The following CPEB3 variants were observed in gnomAD, a reference collection of about 807,000 sequenced individuals.
CPEB3 encodes cytoplasmic polyadenylation element-binding protein 3.
Under a neutral mutation model 67.2 loss-of-function variants are expected in CPEB3, and 20 were observed. The observed-to-expected ratio is 0.30, with a 90% CI of 0.21 to 0.43. The LOEUF is 0.43. Ranked by LOEUF, CPEB3 falls within the 20% of genes least tolerant of loss-of-function variation. The pLI is 1.00. For missense variants in CPEB3, 746 were observed against 968.6 expected (o/e 0.77, Z 3.05); for synonymous variants, 376 against 393.1 (o/e 0.96, Z 0.51).
chr10:92,120,578 T>G (rs1845313506), intron 6 of CPEB3, among the ~76,000 whole-genome samples: 1 of 151,656 alleles, frequency 6.6e-6, no homozygotes, highest in South Asian at 2.1e-4. Flanking sequence ...AGCGAGACTG[T>G]CTCAAAAAAA....
chr10:92,113,718 T>C (rs576399150), intron 6 of CPEB3, among the ~76,000 whole-genome samples: 22 of 152,296 alleles, frequency 1.4e-4, no homozygotes, highest in South Asian at 1.2e-3. Flanking sequence ...AAATCCAGTT[T>C]TGCATTGACC....
intron 1 of CPEB3, among the ~76,000 whole-genome samples, chr10:92,245,817 A>C (rs1322004780): frequency 1.3e-5 from 2 of 151,976 alleles, no homozygotes; most frequent in African/African-American, 4.8e-5. Context: ...CGGCTGGATC[A>C]CCTGAGTTCA....
At chr10:92,179,384 A>G (rs1456718436) in intron 4 of CPEB3, among the ~76,000 whole-genome samples, 1 of 152,222 alleles carries the variant, frequency 6.6e-6, no homozygotes, top group Non-Finnish European at 1.5e-5. Flanking sequence ...CTCTTGCAGA[A>G]GAGGATTCAC....
At chr10:92,181,112 G>T in intron 3 of CPEB3, 93 bp from the exon 4 acceptor site, 1 of 695,484 alleles carries the variant, frequency 1.4e-6, no homozygotes, top group Admixed American at 2.5e-5. Flanking sequence ...ATCTAAAACA[G>T]ATTAATCTAT....
chr10:92,091,069 C>T (rs1342343181), intron 8 of CPEB3, among the ~76,000 whole-genome samples: 2 of 152,134 alleles, frequency 1.3e-5, no homozygotes, highest in Non-Finnish European at 2.9e-5. Context: ...AGCTAAATAA[C>T]GTTAGGTTAC....
At chr10:92,275,845 CTTTTTTT>C (rs909549413) in intron 1 of CPEB3, among the ~76,000 whole-genome samples, 2 of 92,978 alleles carry the variant, frequency 2.2e-5, no homozygotes, top group African/African-American at 3.7e-5. Context: ...TCATTCTTTT[CTTTTTTT>C]TTTTTTTTTT....
intron 4 of CPEB3, among the ~76,000 whole-genome samples, chr10:92,164,453 G>A (rs1479880129): frequency 6.6e-6 from 1 of 152,072 alleles, no homozygotes; most frequent in Non-Finnish European, 1.5e-5. Context: ...GTGTGCTTTT[G>A]CAGTTGATCC....
intron 6 of CPEB3, among the ~76,000 whole-genome samples, chr10:92,120,257 A>AAAAC (rs35341612): frequency 0.074 from 10,737 of 144,778 alleles, 591 homozygotes; most frequent in East Asian, 0.17. Flanking sequence ...TAAAAATACA[A>AAAAC]AAACAAACAA....
rs569320212 is a variant in CPEB3 at position 92,245,712 on chromosome 10, C to G, written c.-11-5351G>C. Among the ~76,000 whole-genome samples, 3 of 152,186 alleles carry G rather than the reference C, an allele frequency of 2.0e-5. No individual in the cohort carries two copies. The South Asian group carries it at 6.2e-4, about 32-fold the overall frequency. ...ATTCCTGAAGACTTTGCTAACCTACCAAACTTTTGCCACATTTTCAAGTAT... is the reference window on the plus strand; with the variant it reads ...ATTCCTGAAGACTTTGCTAACCTACGAAACTTTTGCCACATTTTCAAGTAT... On this transcript the variant is annotated intron_variant, in intron 1 of 9. Transcript: ENST00000265997.
rs537863723 is a variant in CPEB3 at position 92,223,306 on chromosome 10, G to A, written c.1005+16040C>T. Among the ~76,000 whole-genome samples the A allele has an allele frequency of 2.0e-5, 3 of 152,286 alleles. No homozygotes were observed. The South Asian group carries it at 6.2e-4, about 32-fold the overall frequency. On this transcript the variant is annotated intron_variant, in intron 2 of 9. Transcript: ENST00000265997. ...CACATTAGGAATCACACAAAAGCAT[G>A]GGTGGGTAAGAAATGTCAAATCACT... is the stretch of plus-strand genomic sequence containing the variant.
chr10:92,198,951 T>G (rs1013701676), intron 2 of CPEB3, among the ~76,000 whole-genome samples: 3 of 152,200 alleles, frequency 2.0e-5, no homozygotes, highest in Non-Finnish European at 4.4e-5. Flanking sequence ...GGTAGATGTC[T>G]GAAAGAGCTA....
intron 8 of CPEB3, among the ~76,000 whole-genome samples, chr10:92,086,313 G>A (rs902376084): frequency 4.6e-5 from 7 of 152,204 alleles, no homozygotes. Context: ...GTTGGTTCAA[G>A]GGCAATTCAC....
chr10:92,168,559 G>C (rs1847852834), intron 4 of CPEB3, among the ~76,000 whole-genome samples: 1 of 152,046 alleles, frequency 6.6e-6, no homozygotes, highest in Admixed American at 6.6e-5. Flanking sequence ...AACCCGGTGG[G>C]AGGTAATTGA....
chr10:92,166,700 ATAATTCT>A (rs1230209984), intron 4 of CPEB3, among the ~76,000 whole-genome samples: 1 of 152,246 alleles, frequency 6.6e-6, no homozygotes, highest in Non-Finnish European at 1.5e-5. Flanking sequence ...TAGATTTAGT[ATAATTCT>A]TAAGGCCCTT....
Position 92,278,835 on chromosome 10 carries a change from G to C in CPEB3, c.-12+12091C>G, listed in dbSNP as rs188168999. Among the ~76,000 whole-genome samples, 229 of 151,944 alleles carry C rather than the reference G, an allele frequency of 1.5e-3. 6 individuals carry two copies. In the East Asian group the frequency reaches 0.033, roughly 22 times the overall value. On this transcript the variant is annotated intron_variant, in intron 1 of 9. Transcript: ENST00000265997. ...AGGATGGTCTCGATCTCCTGACCTC[G>C]TGATCTGCCTGCCTCGGCCTCCCAA...
intron 7 of CPEB3, among the ~76,000 whole-genome samples, chr10:92,092,791 A>T (rs1023518567): frequency 6.6e-6 from 1 of 151,982 alleles, no homozygotes; most frequent in African/African-American, 2.4e-5. Context: ...AAAAAAAAAA[A>T]GAGAGAGAAT....
At chr10:92,188,121 G>C (rs1195462311) in intron 3 of CPEB3, among the ~76,000 whole-genome samples, 5 of 151,918 alleles carry the variant, frequency 3.3e-5, no homozygotes, top group African/African-American at 7.3e-5. Context: ...GCTTGAGCCT[G>C]GGAGGTCAAG....
At chr10:92,290,676 C>G (rs2135159275) in intron 1 of CPEB3, among the ~76,000 whole-genome samples, 1 of 152,276 alleles carries the variant, frequency 6.6e-6, no homozygotes, top group Non-Finnish European at 1.5e-5. Context: ...ACGCACCAAA[C>G]CAACCGACCC....
In CPEB3 at chr10:92,114,238, T is replaced by C. The variant is rs1055687198; in HGVS notation, c.1454-3044A>G. The stretch of plus-strand genomic sequence containing the variant: ...AAAACAACTTTATGATATCTTCACC[T>C]GCTAAAACACCTTCTGATACTTCAA... On this transcript the variant is annotated intron_variant, in intron 6 of 9. Coordinates refer to ENST00000265997, the MANE Select transcript of CPEB3 (RefSeq NM_014912.5). Among the ~76,000 whole-genome samples the C allele has an allele frequency of 4.6e-5, 7 of 152,344 alleles. No homozygotes were observed. In the South Asian group the frequency reaches 8.3e-4, roughly 18 times the overall value.
Sources: allele counts gnomAD v4.1 joint callset (sites outside exome capture counted in the v4.1 genomes callset), GRCh38; gene constraint gnomAD v4.1.1; transcripts MANE v1.5; gene names NCBI Gene and HGNC (gene_info 2026-07-23, HGNC 2026-07-21).